Variants in PSTPIP2 observed in about 807,000 individuals in gnomAD.
PSTPIP2 encodes proline-serine-threonine phosphatase-interacting protein 2.
In PSTPIP2, 33 loss-of-function variants were observed where a neutral mutation model predicts 63.3. That is an observed-to-expected ratio of 0.52 (90% CI 0.40 to 0.70). PSTPIP2 has a LOEUF of 0.70. Among genes scored for constraint, PSTPIP2 ranks in the 30% least tolerant of loss-of-function variants. The pLI, the probability that PSTPIP2 is intolerant of heterozygous loss-of-function variation, is 0.00. For missense variants in PSTPIP2, 312 were observed against 400.7 expected (o/e 0.78, Z 1.89); for synonymous variants, 125 against 132.7 (o/e 0.94, Z 0.40).
At chr18:46,035,901 G>A (rs1222328282) in intron 2 of PSTPIP2, among the ~76,000 whole-genome samples, 1 of 152,042 alleles carries the variant, frequency 6.6e-6, no homozygotes, top group African/African-American at 2.4e-5. Flanking sequence ...AGTGCCAAAG[G>A]GATGTGTAAG....
intron 5 of PSTPIP2, chr18:46,010,617 T>C (rs184058796): frequency 1.3e-3 from 198 of 152,562 alleles, no homozygotes; most frequent in Non-Finnish European, 2.2e-3. Flanking sequence ...TTTTATTAAC[T>C]CTTGTTCACC....
At chr18:46,012,321 A>G (rs2051806673) in intron 4 of PSTPIP2, among the ~76,000 whole-genome samples, 1 of 152,196 alleles carries the variant, frequency 6.6e-6, no homozygotes. Context: ...TTTTTTAGAA[A>G]CGAAATTTTT....
chr18:46,031,792 T>C (rs1437217222), intron 2 of PSTPIP2, among the ~76,000 whole-genome samples: 7 of 152,174 alleles, frequency 4.6e-5, no homozygotes, highest in Non-Finnish European at 7.3e-5. Context: ...GAGGAAGACA[T>C]CGTGAATCTA....
chr18:46,034,821 A>G (rs1404203266), intron 2 of PSTPIP2, among the ~76,000 whole-genome samples: 1 of 152,220 alleles, frequency 6.6e-6, no homozygotes, highest in Middle Eastern at 3.2e-3. Flanking sequence ...CAGAGTTTTT[A>G]TGAGAATTAA....
chr18:46,035,419 T>TA (rs35711872), intron 2 of PSTPIP2, among the ~76,000 whole-genome samples: 17 of 31,848 alleles, frequency 5.3e-4, no homozygotes, highest in Non-Finnish European at 7.6e-4. Flanking sequence ...GACTCTGTCT[T>TA]AAAAAAAAAA....
intron 6 of PSTPIP2, among the ~76,000 whole-genome samples, chr18:46,002,156 C>T (rs1419468748): frequency 1.3e-5 from 2 of 152,114 alleles, no homozygotes; most frequent in Non-Finnish European, 2.9e-5. Flanking sequence ...ATTTCTCTCT[C>T]ATTTAGTTTT....
At chr18:46,069,719 CGTTT>C (rs1320950481) in intron 1 of PSTPIP2, among the ~76,000 whole-genome samples, 2 of 152,166 alleles carry the variant, frequency 1.3e-5, no homozygotes, top group African/African-American at 2.4e-5. Flanking sequence ...TGTACAAACA[CGTTT>C]GACCACAGTC....
chr18:46,039,256 T>G (rs2144110411), intron 2 of PSTPIP2, among the ~76,000 whole-genome samples: 1 of 152,252 alleles, frequency 6.6e-6, no homozygotes, highest in Admixed American at 6.5e-5. Context: ...TTTAAAAATC[T>G]TATCCATTTT....
chr18:46,070,783 G>C (rs748184283), intron 1 of PSTPIP2, among the ~76,000 whole-genome samples: 1 of 152,150 alleles, frequency 6.6e-6, no homozygotes, highest in Non-Finnish European at 1.5e-5. Flanking sequence ...GCCTCCCAAC[G>C]TGCTGGGATC....
chr18:46,028,825 G>C (rs1907687525), intron 2 of PSTPIP2: 1 of 1,548,542 alleles, frequency 6.5e-7, no homozygotes, highest in Non-Finnish European at 8.9e-7. Context: ...AACAACTTCA[G>C]ATGATGAAAG....
chr18:46,023,460 G>A (rs2144094963), intron 3 of PSTPIP2, among the ~76,000 whole-genome samples: 1 of 152,210 alleles, frequency 6.6e-6, no homozygotes, highest in East Asian at 1.9e-4. Context: ...TTGGTAAGCT[G>A]AGGCAGGATA....
intron 1 of PSTPIP2, among the ~76,000 whole-genome samples, chr18:46,062,899 G>C (rs1439778401): frequency 6.6e-6 from 1 of 152,148 alleles, no homozygotes; most frequent in Non-Finnish European, 1.5e-5. Flanking sequence ...TCCTTAAGAA[G>C]AATGTAGGAC....
intron 2 of PSTPIP2, among the ~76,000 whole-genome samples, chr18:46,036,054 G>A (rs928213916): frequency 6.6e-6 from 1 of 151,074 alleles, no homozygotes; most frequent in African/African-American, 2.4e-5. Context: ...GTTTGTTACT[G>A]TGTTTTGTTA....
intron 5 of PSTPIP2, among the ~76,000 whole-genome samples, chr18:46,006,205 C>CACCA (rs966871938): frequency 2.6e-5 from 4 of 151,902 alleles, no homozygotes; most frequent in African/African-American, 9.7e-5. Context: ...AAGCCTGCAC[C>CACCA]ACCACACCTG....
rs1383462496 is a variant in PSTPIP2, at chr18:46,029,875, G to T, written c.135-5189C>A. 3 of 316,964 alleles carry T rather than the reference G, an allele frequency of 9.5e-6. No homozygotes were observed. The East Asian group carries it at 2.4e-4, about 25-fold the overall frequency. The allele number at this position is 316,964 out of a possible 1,614,324, so 19.6% of individuals were successfully genotyped here. A position where few individuals can be genotyped will look rare whatever the true frequency, so the allele number is the denominator to read the frequency against. ...CACACCTGTAATCTCAGAACTTTGG[G>T]AGGCCGAGGCGGGTGGATCACCTGA... On this transcript the variant is annotated intron_variant, in intron 2 of 14. Coordinates refer to ENST00000409746, the MANE Select transcript of PSTPIP2 (RefSeq NM_024430.4).
At chr18:46,005,173 T>C (rs1167170335) in intron 6 of PSTPIP2, among the ~76,000 whole-genome samples, 1 of 151,972 alleles carries the variant, frequency 6.6e-6, no homozygotes. Flanking sequence ...AACTTATGAA[T>C]ATAAAGAAGG....
At chr18:46,044,828 C>T (rs1351403249) in intron 1 of PSTPIP2, among the ~76,000 whole-genome samples, 1 of 152,020 alleles carries the variant, frequency 6.6e-6, no homozygotes, top group Admixed American at 6.6e-5. Flanking sequence ...AACAAACAAC[C>T]CCATCAAAAA....
At position 46,071,969 on chromosome 18, in the gene PSTPIP2, C is replaced by T. The variant is rs531381980; in HGVS notation, c.33+187G>A. ...AGAGGGAACAGCAGCCCGGCGTCCG[C>T]TCCAAGTCTGCCCCTCGAGCAGTGG... On this transcript the variant is annotated intron_variant, in intron 1 of 14. Coordinates refer to ENST00000409746, the MANE Select transcript of PSTPIP2 (RefSeq NM_024430.4). 4.7e-4 allele frequency among the ~76,000 whole-genome samples: 72 copies of T among 152,292 alleles called. No homozygotes were observed. In the South Asian group the frequency reaches 0.015, roughly 32 times the overall value.
intron 2 of PSTPIP2, among the ~76,000 whole-genome samples, chr18:46,025,408 C>T (rs956127235): frequency 6.6e-6 from 1 of 152,172 alleles, no homozygotes; most frequent in African/African-American, 2.4e-5. Flanking sequence ...CTTCCAGCTC[C>T]ACTGCTCTCC....
Sources: allele counts gnomAD v4.1 joint callset (sites outside exome capture counted in the v4.1 genomes callset), GRCh38; gene constraint gnomAD v4.1.1; transcripts MANE v1.5; gene names NCBI Gene and HGNC (gene_info 2026-07-23, HGNC 2026-07-21).